CALB2: variants seen among roughly 807,000 people sequenced by gnomAD.
CALB2 encodes the protein calbindin 2, also known as calretinin.
CALB2 carries 34 observed loss-of-function variants against 45.9 expected under a neutral mutation model. The ratio of observed to expected loss-of-function variants is 0.74; its 90% CI spans 0.56 to 0.99. The LOEUF is 0.99. Ranked by LOEUF, CALB2 falls within the 50% of genes least tolerant of loss-of-function variation. CALB2 has a pLI of 0.00. For synonymous variants in CALB2, 142 were observed against 129.6 expected (o/e 1.10, Z -0.65); for missense variants, 344 against 339.3 (o/e 1.01, Z -0.11).
At position 71,389,962 on chromosome 16, in the gene CALB2, C is replaced by CA. The variant is rs2042618724; in HGVS notation, c.*98dup. On this transcript the variant is annotated 3_prime_UTR_variant, in exon 11 of 11. Transcript: ENST00000302628. ...TCAGAGACCGTGAGCGCCCCGCCCCCACCCCTACAGCCTGCACACACCTGC... is the reference window on the plus strand; with the variant it reads ...TCAGAGACCGTGAGCGCCCCGCCCCCAACCCCTACAGCCTGCACACACCTGC... 2 of 770,910 alleles carry CA rather than the reference C, an allele frequency of 2.6e-6. No homozygotes were observed. The highest frequency in any genetic ancestry group is 4.5e-6 in the Non-Finnish European group (2 of 440,896). The allele number at this position is 770,910 out of a possible 1,614,324, so 47.8% of individuals were successfully genotyped here.
chr16:71,370,647 G>A (rs1011293525), intron 1 of CALB2, among the ~76,000 whole-genome samples: 1 of 152,128 alleles, frequency 6.6e-6, no homozygotes, highest in Non-Finnish European at 1.5e-5. Flanking sequence ...CTTGAGCCCA[G>A]GATTTTGGGG....
At chr16:71,358,996 G>A in intron 1 of CALB2, 110 bp downstream of exon 1, 1 of 926,638 alleles carries the variant, frequency 1.1e-6, no homozygotes, top group Non-Finnish European at 1.7e-6. Context: ...CTCAGGAGGT[G>A]GTCTGGTCGC....
intron 5 of CALB2, 65 bp downstream of exon 5, chr16:71,382,840 GA>G: frequency 6.9e-7 from 1 of 1,441,640 alleles, no homozygotes; most frequent in Non-Finnish European, 9.5e-7. Flanking sequence ...CCTGAGGAGG[GA>G]GGAGATGTTG....
At position 71,382,748 on chromosome 16, in the gene CALB2, T is replaced by G; in HGVS notation, c.372T>G (p.Ser124Arg). The G allele has an allele frequency of 1.2e-6, 2 of 1,611,596 alleles. No homozygotes were observed. Among genetic ancestry groups the G allele is most frequent in the Non-Finnish European group, 8.5e-7 (1 of 1,179,010 alleles). ...GGCGGAAGTACGACACAGACAGGAG[T>G]GGCTACATCGAAGCCAATGAGCTCA... ...EAWRKYDTDR[S>R]GYIEANELKG... The change falls in exon 5 of 11, where the codon AGT becomes AGG. Residue 124 changes from serine (S) to arginine (R), a missense_variant. Around this residue, in one of 3 missense-constraint regions of CALB2, gnomAD observed 263 missense variants for 241.7 expected, o/e 1.09. Coordinates refer to ENST00000302628, the MANE Select transcript of CALB2 (RefSeq NM_001740.5).
chr16:71,372,278 C>T (rs369991332), intron 2 of CALB2, 49 bp downstream of exon 2: 2 of 1,354,338 alleles, frequency 1.5e-6, no homozygotes, highest in South Asian at 1.2e-5. Context: ...TGACCTATGC[C>T]TTTGAGCATG....
rs1194991014 is a variant in CALB2, at chr16:71,389,805, G to C, written c.756G>C (p.Glu252Asp). The change falls in exon 11 of 11, where the codon GAG becomes GAC. Residue 252 changes from glutamate to aspartate, a missense_variant. This residue lies in a region of CALB2 where 263 missense variants were observed against 241.7 expected (regional missense o/e 1.09). Transcript: ENST00000302628. ...GAAAGAGCGTCATGTCCTTGGCAGA[G>C]GCAGGGAAGCTCTACCGCAAGGACC... ...NYRKSVMSLA[E>D]AGKLYRKDLE... 6.2e-7 allele frequency: 1 copy of C among 1,614,086 alleles called. No homozygotes were observed. Among genetic ancestry groups the C allele is most frequent in the Admixed American group, 1.7e-5 (1 of 60,026 alleles).
chr16:71,359,449 A>T (rs909858930), intron 1 of CALB2, among the ~76,000 whole-genome samples: 12 of 152,284 alleles, frequency 7.9e-5, no homozygotes, highest in Admixed American at 6.5e-4. Flanking sequence ...CGCCGTGGGC[A>T]TGTAGGTTTC....
At chr16:71,378,778 C>T (rs528068461) in intron 4 of CALB2, among the ~76,000 whole-genome samples, 1 of 152,224 alleles carries the variant, frequency 6.6e-6, no homozygotes, top group East Asian at 1.9e-4. Context: ...ATAAAGAAAA[C>T]CGTGCCACTC....
intron 2 of CALB2, 23 bp downstream of exon 2, chr16:71,372,252 T>C (rs200492329): frequency 5.3e-5 from 84 of 1,576,978 alleles, no homozygotes; most frequent in Non-Finnish European, 7.0e-5. Flanking sequence ...CTGTCTCCGA[T>C]TGTGTGGGAT....
intron 1 of CALB2, 67 bp from the exon 2 acceptor site, chr16:71,372,086 A>G: frequency 5.7e-5 from 50 of 880,508 alleles, no homozygotes; most frequent in Non-Finnish European, 7.8e-5. Context: ...GAAGCCCCCG[A>G]CATGCCCACC....
chr16:71,367,839 G>A (rs2042305342), intron 1 of CALB2, among the ~76,000 whole-genome samples: 1 of 152,128 alleles, frequency 6.6e-6, no homozygotes. Flanking sequence ...GGTTCCTCCT[G>A]CCCCGGGAAC....
At chr16:71,362,168 C>G (rs1339556603) in intron 1 of CALB2, among the ~76,000 whole-genome samples, 3 of 152,216 alleles carry the variant, frequency 2.0e-5, no homozygotes, top group Non-Finnish European at 4.4e-5. Context: ...CAGGACCTTT[C>G]CCCCTCTAAA....
chr16:71,380,158 G>T (rs1482647821), intron 4 of CALB2, among the ~76,000 whole-genome samples: 2 of 151,958 alleles, frequency 1.3e-5, no homozygotes, highest in African/African-American at 2.4e-5. Flanking sequence ...CCTTGTAGGG[G>T]GGGCAGGGAT....
At chr16:71,389,714 T>C (rs2042614227) in intron 10 of CALB2, 35 bp from the exon 11 acceptor site, 6 of 1,528,958 alleles carry the variant, frequency 3.9e-6, no homozygotes, top group Non-Finnish European at 5.4e-6. Flanking sequence ...GACCATCCCC[T>C]GAACCTGCTC....
At chr16:71,380,148 C>A (rs60352330) in intron 4 of CALB2, among the ~76,000 whole-genome samples, 4,991 of 151,882 alleles carry the variant, frequency 0.033, 271 homozygotes, top group African/African-American at 0.11. Flanking sequence ...GATGGTGGCA[C>A]CTTGTAGGGG....
chr16:71,370,098 T>G (rs555472683), intron 1 of CALB2, among the ~76,000 whole-genome samples: 1 of 152,238 alleles, frequency 6.6e-6, no homozygotes, highest in African/African-American at 2.4e-5. Context: ...TGCGAGCCCA[T>G]TGCAATCATG....
intron 1 of CALB2, among the ~76,000 whole-genome samples, chr16:71,359,840 G>A (rs116328039): frequency 0.014 from 2,192 of 152,332 alleles, 58 homozygotes; most frequent in African/African-American, 0.049. Context: ...GCTAAGATGA[G>A]CATCCAAAAT....
chr16:71,384,465 ACACACTACACACACCCACACACAC>A (rs2042540477), intron 8 of CALB2, 87 bp downstream of exon 8: 1 of 894,158 alleles, frequency 1.1e-6, no homozygotes, highest in African/African-American at 1.8e-5. Context: ...ACCACACACA[ACACACTACACACACCCACACACAC>A]CACACACACA....
chr16:71,366,024 C>CTTTTTTTTTTTTTTTTTTT lies in CALB2; in HGVS notation c.95-6127_95-6109dup, dbSNP rs1171021532. Among the ~76,000 whole-genome samples, 7 of 45,062 alleles carry CTTTTTTTTTTTTTTTTTTT rather than the reference C, an allele frequency of 1.6e-4. 1 individual carries two copies. The highest frequency in any genetic ancestry group is 4.8e-4 in the African/African-American group (5 of 10,424). 29.6% of individuals were successfully genotyped at this position (45,062 alleles called of 152,430 possible). ...TCTTTGTTTTCTTCCCTCTCTCTCTCTTTTTTTTTTTTTTTTTTTTGAGAT... is the reference window on the plus strand; with the variant it reads ...TCTTTGTTTTCTTCCCTCTCTCTCTCTTTTTTTTTTTTTTTTTTTTTTTTTTTTTTTTTTTTTTTGAGAT... On this transcript the variant is annotated intron_variant, in intron 1 of 10. Transcript: ENST00000302628.
Sources: gnomAD v4.1 joint callset for allele counts (sites outside exome capture counted in the v4.1 genomes callset) on GRCh38, gnomAD v4.1.1 for gene constraint, gnomAD v4.1.1 regional missense constraint, MANE v1.5 for transcripts, NCBI Gene and HGNC (gene_info 2026-07-23, HGNC 2026-07-21) for gene names.